The following ABR variants were observed in gnomAD, a reference collection of about 807,000 sequenced individuals.
ABR encodes the protein active breakpoint cluster region-related protein.
Under a neutral mutation model 107.2 loss-of-function variants are expected in ABR, and 35 were observed. That is an observed-to-expected ratio of 0.33 (90% CI 0.25 to 0.43). The LOEUF is 0.43. Ranked by LOEUF, ABR falls within the 20% of genes least tolerant of loss-of-function variation. The pLI is 1.00. For missense variants in ABR, 815 were observed against 1,115.2 expected, an observed-to-expected ratio of 0.73 and a Z score of 3.83; for synonymous variants, 498 against 462.0, an observed-to-expected ratio of 1.08 and a Z score of -1.00.
chr17:1,079,219 GCGCTCACACA>G (rs1342579847), intron 6 of ABR, 101 bp downstream of exon 6: 49 of 1,502,340 alleles, frequency 3.3e-5, no homozygotes, highest in Non-Finnish European at 4.4e-5. Flanking sequence ...ACGCTCACAC[GCGCTCACACA>G]CACGCACACA....
At chr17:1,171,087 C>A (rs761500488) in intron 1 of ABR, among the ~76,000 whole-genome samples, 25 of 152,320 alleles carry the variant, frequency 1.6e-4, no homozygotes, top group Non-Finnish European at 2.8e-4. Flanking sequence ...AAGGGAGAGA[C>A]TCCCTCAAAA....
intron 5 of ABR, among the ~76,000 whole-genome samples, chr17:1,083,054 G>T (rs2036354013): frequency 6.6e-6 from 1 of 151,024 alleles, no homozygotes; most frequent in South Asian, 2.1e-4. Context: ...AACCCAGGGG[G>T]TAGAGGTTGC....
intron 2 of ABR, among the ~76,000 whole-genome samples, chr17:1,121,523 A>T (rs978259445): frequency 7.2e-6 from 1 of 138,908 alleles, no homozygotes; most frequent in Non-Finnish European, 1.5e-5. Flanking sequence ...GCAGCTGCTC[A>T]CAGTGGGATG....
In ABR at chr17:1,179,632, G is replaced by C. The variant is rs531450464; in HGVS notation, c.61+35C>G. 1.3e-6 allele frequency: 2 copies of C among 1,489,620 alleles called. No homozygotes were observed. The highest frequency in any genetic ancestry group is 2.7e-5 in the East Asian group (1 of 36,436). The allele number at this position is 1,489,620 out of a possible 1,614,324, so 92.3% of individuals were successfully genotyped here. A position where few individuals can be genotyped will look rare whatever the true frequency, so the allele number is the denominator to read the frequency against. On this transcript the variant is annotated intron_variant, in intron 1 of 22. Transcript: ENST00000302538. The surrounding 1 kb of genome is among the most constrained non-coding windows in gnomAD (Gnocchi z 4.9). ...ATCTCCATCCTGGGGTCCCGATCCC[G>C]ATCCTGGGGTCCCGCCCCCGCCCGG...
chr17:1,113,283 T>TTG (rs1555585471), intron 2 of ABR, among the ~76,000 whole-genome samples: 3 of 136,984 alleles, frequency 2.2e-5, no homozygotes, highest in Non-Finnish European at 4.7e-5. Flanking sequence ...TTGCGATTTT[T>TTG]TTTTTTTTTT....
At chr17:1,041,950 G>C (rs1162998351) in intron 16 of ABR, among the ~76,000 whole-genome samples, 2 of 152,142 alleles carry the variant, frequency 1.3e-5, no homozygotes, top group African/African-American at 4.8e-5. Flanking sequence ...GAGGCAGGGG[G>C]CCCAACTGTG....
intron 1 of ABR, among the ~76,000 whole-genome samples, chr17:1,169,950 CTG>C (rs1443170972): frequency 4.1e-5 from 6 of 147,174 alleles, no homozygotes; most frequent in Non-Finnish European, 4.4e-5. Flanking sequence ...CTCCCTTTCT[CTG>C]TGTTTGTGTT....
At position 1,005,046 on chromosome 17, in the gene ABR, G is replaced by T. The variant is rs2069920147; in HGVS notation, c.*1034C>A. Reference sequence around the variant, plus strand: ...CCCTCTTGAAAAGCCCCCACAACTTGCTCCTAAGAGCTGAGCTGCCTCCCC... The same window carrying T: ...CCCTCTTGAAAAGCCCCCACAACTTTCTCCTAAGAGCTGAGCTGCCTCCCC... On this transcript the variant is annotated 3_prime_UTR_variant, in exon 23 of 23. Transcript: ENST00000302538. 1 of 398,828 alleles carries T rather than the reference G, an allele frequency of 2.5e-6. No individual in the cohort carries two copies. The highest frequency in any genetic ancestry group is 4.4e-6 in the Non-Finnish European group (1 of 226,222). The allele number at this position is 398,828 out of a possible 1,614,324, so 24.7% of individuals were successfully genotyped here. A position where few individuals can be genotyped will look rare whatever the true frequency, so the allele number is the denominator to read the frequency against.
chr17:1,073,752 G>T, intron 6 of ABR, 75 bp from the exon 7 acceptor site: 6 of 1,360,538 alleles, frequency 4.4e-6, no homozygotes, highest in Non-Finnish European at 4.0e-6. Context: ...GACCAGCTTC[G>T]TCCCCCCACC....
chr17:1,185,836 C>G (rs1032574258), intron 1 of ABR, among the ~76,000 whole-genome samples: 2 of 151,406 alleles, frequency 1.3e-5, no homozygotes, highest in African/African-American at 4.9e-5. Context: ...ATTTACTATT[C>G]TTTTTTTTCT....
chr17:1,198,924 C>T (rs1442745768), intron 1 of ABR, among the ~76,000 whole-genome samples: 2 of 149,284 alleles, frequency 1.3e-5, no homozygotes, highest in Non-Finnish European at 3.0e-5. Context: ...TGAGCTACCG[C>T]GCCTGGCCAA....
chr17:1,173,336 C>A (rs1415331857), intron 1 of ABR, among the ~76,000 whole-genome samples: 5 of 146,480 alleles, frequency 3.4e-5, no homozygotes, highest in African/African-American at 1.3e-4. Context: ...CCACCCAACA[C>A]ATCACCTCAG....
At chr17:1,125,707 G>C in intron 1 of ABR, 1 of 325,046 alleles carries the variant, frequency 3.1e-6, no homozygotes. Context: ...GGGAGCAAGA[G>C]GCAGGACGCT....
chr17:1,057,349 TGTGTGTGTGTGTGTGTGG>T (rs1293990850), intron 12 of ABR, among the ~76,000 whole-genome samples: 3 of 78,708 alleles, frequency 3.8e-5, no homozygotes, highest in Non-Finnish European at 7.6e-5. Context: ...TGTGTGTGTG[TGTGTGTGTGTGTGTGTGG>T]TGTATGCGTT....
chr17:1,152,008 A>G (rs558810521), intron 1 of ABR, among the ~76,000 whole-genome samples: 47 of 149,818 alleles, frequency 3.1e-4, no homozygotes, highest in African/African-American at 9.6e-4. Flanking sequence ...CAAAAAAGTT[A>G]GCCAGGCGTG....
At chr17:1,008,878 T>C (rs1261311610) in intron 21 of ABR, among the ~76,000 whole-genome samples, 2 of 152,200 alleles carry the variant, frequency 1.3e-5, no homozygotes, top group African/African-American at 2.4e-5. Flanking sequence ...TAGCCACTCT[T>C]GGTTGGACCT....
chr17:1,009,088 G>T (rs2070298151), intron 21 of ABR, among the ~76,000 whole-genome samples: 1 of 152,124 alleles, frequency 6.6e-6, no homozygotes, highest in Non-Finnish European at 1.5e-5. Context: ...AACCCATGCT[G>T]TAACACAGTC....
Position 1,072,730 on chromosome 17 carries a change from C to G in ABR, c.778G>C (p.Asp260His). 1.2e-6 allele frequency: 2 copies of G among 1,613,472 alleles called. No homozygotes were observed. The highest frequency in any genetic ancestry group is 8.5e-7 in the Non-Finnish European group (1 of 1,179,798). ...TGCAGCAGCGGGTAGTCGGGGTGGT[C>G]CACAGGTGTGTGCTTCAGCAGGTCC... ...LHDLLKHTPV[D>H]HPDYPLLQDA... The change falls in exon 8 of 23, where the codon GAC (aspartate) becomes CAC (histidine). Residue 260 changes from aspartate (D) to histidine (H), a missense_variant. This residue lies in a region of ABR where 385 missense variants were observed against 596.9 expected (regional missense o/e 0.64). Transcript: ENST00000302538.
rs1049867653 is a variant in ABR at position 1,150,486 on chromosome 17, C to T, written c.62-25119G>A. 6.6e-6 allele frequency among the ~76,000 whole-genome samples: 1 copy of T among 152,182 alleles called. No individual in the cohort carries two copies. The highest frequency in any genetic ancestry group is 2.4e-5 in the African/African-American group (1 of 41,462). ...GAGGGTGGTGGCCAGGAGCTGCAAG[C>T]AGCGGCACACGTGTGGGCAATACAC... On this transcript the variant is annotated intron_variant, in intron 1 of 22. Transcript: ENST00000302538. This position sits in a 1 kb window ranked among gnomAD's most constrained non-coding sequence, Gnocchi z 4.8.
Sources: gnomAD v4.1 joint callset for allele counts (sites outside exome capture counted in the v4.1 genomes callset) on GRCh38, gnomAD v4.1.1 for gene constraint, gnomAD v4.1.1 regional missense constraint, Gnocchi (gnomAD v3.1) non-coding constraint, MANE v1.5 for transcripts, NCBI Gene and HGNC (gene_info 2026-07-23, HGNC 2026-07-21) for gene names.